The following TMPRSS13 variants were observed in gnomAD, a reference collection of about 807,000 sequenced individuals.
TMPRSS13 encodes transmembrane serine protease 13.
TMPRSS13 carries 50 observed loss-of-function variants against 68.4 expected under a neutral mutation model. The ratio of observed to expected loss-of-function variants is 0.73; its 90% CI spans 0.58 to 0.93. The LOEUF is 0.93. TMPRSS13 is among the 40% of genes least tolerant of loss of function. The pLI is 0.00. For synonymous variants in TMPRSS13, 267 were observed against 285.8 expected, an observed-to-expected ratio of 0.93 and a Z score of 0.66; for missense variants, 615 against 729.2, an observed-to-expected ratio of 0.84 and a Z score of 1.80.
rs2057569949 is a variant in TMPRSS13, at chr11:117,915,605, A to T, written c.557-1091T>A. Among the ~76,000 whole-genome samples the T allele has an allele frequency of 6.6e-6, 1 of 152,124 alleles. No homozygotes were observed. Among genetic ancestry groups the T allele is most frequent in the Non-Finnish European group, 1.5e-5 (1 of 68,006 alleles). The stretch of plus-strand genomic sequence containing the variant: ...GGAGAGGGTACTGGGCCGGGTTGGG[A>T]GTCAGGAGGCCTGGGCTCTAGTCCT... On this transcript the variant is annotated intron_variant, in intron 3 of 12. Coordinates refer to ENST00000524993, the MANE Select transcript of TMPRSS13 (RefSeq NM_001077263.3). The surrounding 1 kb of genome is among the most constrained non-coding windows in gnomAD (Gnocchi z 4.9).
chr11:117,917,815 C>G (rs1486197096), intron 2 of TMPRSS13, among the ~76,000 whole-genome samples: 4 of 152,140 alleles, frequency 2.6e-5, no homozygotes, highest in African/African-American at 9.7e-5. Context: ...TGGGGACAGT[C>G]TGAATTCTGG....
At chr11:117,917,713 A>G (rs1244401502) in intron 2 of TMPRSS13, among the ~76,000 whole-genome samples, 2 of 152,070 alleles carry the variant, frequency 1.3e-5, no homozygotes, top group African/African-American at 4.8e-5. Context: ...CACTTCACCC[A>G]CCCTGGAGAG....
chr11:117,913,470 C>T (rs948048500), intron 5 of TMPRSS13, among the ~76,000 whole-genome samples: 6 of 152,142 alleles, frequency 3.9e-5, no homozygotes, highest in Admixed American at 3.9e-4. Context: ...GTCGTAGGGC[C>T]ACCACCACGA....
chr11:117,918,158 G>A (rs1441104020), intron 2 of TMPRSS13, among the ~76,000 whole-genome samples: 1 of 152,082 alleles, frequency 6.6e-6, no homozygotes. Flanking sequence ...AGACTCCAGG[G>A]TGACAAGCTG....
intron 12 of TMPRSS13, 81 bp downstream of exon 12, chr11:117,903,574 C>T (rs770063105): frequency 8.7e-6 from 14 of 1,604,180 alleles, no homozygotes; most frequent in South Asian, 1.1e-5. Flanking sequence ...CCTCTGCCTA[C>T]AACCTGGGTG....
chr11:117,905,531 G>T, intron 10 of TMPRSS13, 107 bp downstream of exon 10: 1 of 923,020 alleles, frequency 1.1e-6, no homozygotes, highest in Non-Finnish European at 1.6e-6. Context: ...AACGCTCATC[G>T]ACATAGGCCT....
In TMPRSS13 at chr11:117,902,187, T is replaced by C. The variant is rs1288019616; in HGVS notation, c.*52A>G. 4 of 1,611,096 alleles carry C rather than the reference T, an allele frequency of 2.5e-6. No individual in the cohort carries two copies. The highest frequency in any genetic ancestry group is 1.3e-5 in the African/African-American group (1 of 74,870). ...TGATGCCACACATGGCCAGTCACCA[T>C]GGCCAGAGTCTTCACAGCAGCCGGT... On this transcript the variant is annotated 3_prime_UTR_variant, in exon 13 of 13. Transcript: ENST00000524993.
Position 117,918,597 on chromosome 11 carries a change from CGGG to C in TMPRSS13, c.260_262del (p.Ala87_Arg88delinsGly). 6.2e-7 allele frequency: 1 copy of C among 1,610,378 alleles called. No homozygotes were observed. Among genetic ancestry groups the C allele is most frequent in the Non-Finnish European group, 8.5e-7 (1 of 1,178,464 alleles). The stretch of plus-strand genomic sequence containing the variant: ...AAGTGATGCCAGAGCCGGAGATGCC[CGGG>C]CTGGAGATGCCTGGGCTGGAGATGC... On this transcript the variant is annotated inframe_deletion, in exon 2 of 13. Transcript: ENST00000524993.
chr11:117,924,489 T>C (rs1046416448), intron 1 of TMPRSS13, among the ~76,000 whole-genome samples: 1 of 152,052 alleles, frequency 6.6e-6, no homozygotes, highest in Non-Finnish European at 1.5e-5. Context: ...GGGCAGACCA[T>C]GGGCCAACAA....
intron 6 of TMPRSS13, 64 bp from the exon 7 acceptor site, chr11:117,910,814 C>T: frequency 2.7e-6 from 4 of 1,454,892 alleles, no homozygotes; most frequent in Non-Finnish European, 3.8e-6. Context: ...GGAAGCCTTC[C>T]TGATTGACTC....
At chr11:117,902,966 G>T (rs902706055) in intron 12 of TMPRSS13, 46 of 1,014,768 alleles carry the variant, frequency 4.5e-5, no homozygotes, top group Non-Finnish European at 4.7e-5. Context: ...CACACTGAAG[G>T]GTCTGTGGTT....
chr11:117,921,273 A>C (rs945336851), intron 1 of TMPRSS13, among the ~76,000 whole-genome samples: 7 of 152,058 alleles, frequency 4.6e-5, no homozygotes, highest in African/African-American at 1.7e-4. Context: ...TCGTATGTGC[A>C]GTTTTGCACC....
Position 117,900,682 on chromosome 11 carries a change from C to G in TMPRSS13, c.*1557G>C, listed in dbSNP as rs568060. The stretch of plus-strand genomic sequence containing the variant: ...TTTTATTGCTGAAGACCATCGCTGG[C>G]GGCTGCTGCAGACAGGAATGTGGCC... On this transcript the variant is annotated 3_prime_UTR_variant, in exon 13 of 13. Coordinates refer to ENST00000524993, the MANE Select transcript of TMPRSS13 (RefSeq NM_001077263.3). 0.99 allele frequency: 151,372 copies of G among 152,372 alleles called. 75,196 individuals carry two copies. Among genetic ancestry groups the G allele is most frequent in the Middle Eastern group, 1 (296 of 296 alleles). 9.4% of individuals were successfully genotyped at this position (152,372 alleles called of 1,614,324 possible).
At chr11:117,908,034 A>C (rs903780744) in intron 9 of TMPRSS13, 1 of 999,292 alleles carries the variant, frequency 1.0e-6, no homozygotes, top group Non-Finnish European at 1.2e-6. Context: ...AGTTGTTTGA[A>C]TGTGTACTCA....
At chr11:117,911,694 C>A in intron 6 of TMPRSS13, 74 bp downstream of exon 6, 2 of 1,243,376 alleles carry the variant, frequency 1.6e-6, no homozygotes, top group Non-Finnish European at 2.3e-6. Context: ...GAAGGGGGCT[C>A]CCTGACTCAA....
Position 117,918,515 on chromosome 11 carries a change from G to A in TMPRSS13, c.345C>T (p.Ser115=). ...SSARSASVTT[S]PTRVYLVRAT... ...CTCTAACAAGGTACACTCTGGTTGGGGAGGTTGTCACCGAGGCTGACCTGG... is the reference window on the plus strand; with the variant it reads ...CTCTAACAAGGTACACTCTGGTTGGAGAGGTTGTCACCGAGGCTGACCTGG... Residue 115 remains serine (S), a synonymous_variant, in exon 2 of 13, where the codon TCC becomes TCT. Transcript: ENST00000524993. 1 of 1,614,206 alleles carries A rather than the reference G, an allele frequency of 6.2e-7. No homozygotes were observed. The highest frequency in any genetic ancestry group is 1.1e-5 in the South Asian group (1 of 91,084).
In TMPRSS13 at chr11:117,918,728, T is replaced by TGCCTGGGCTGGAGAG. The variant is rs2057609809; in HGVS notation, c.131_132insCTCTCCAGCCCAGGC (p.Gln43_Ala47dup). 6.2e-7 allele frequency: 1 copy of TGCCTGGGCTGGAGAG among 1,607,242 alleles called. No individual in the cohort carries two copies. The highest frequency in any genetic ancestry group is 1.4e-5 in the African/African-American group (1 of 70,918). Reference sequence around the variant, plus strand: ...GGCCCGGAGGTGTCCCAGCTGGAGATGCCTGGGCTGGAGATGCCTGGGCTG... The same window carrying TGCCTGGGCTGGAGAG: ...GGCCCGGAGGTGTCCCAGCTGGAGATGCCTGGGCTGGAGAGGCCTGGGCTGGAGATGCCTGGGCTG... On this transcript the variant is annotated inframe_insertion, in exon 2 of 13. Transcript: ENST00000524993.
At position 117,914,887 on chromosome 11, in the gene TMPRSS13, C is replaced by G. The variant is rs191082821; in HGVS notation, c.557-373G>C. Among the ~76,000 whole-genome samples, 34 of 152,300 alleles carry G rather than the reference C, an allele frequency of 2.2e-4. No individual in the cohort carries two copies. The highest frequency in any genetic ancestry group is 8.2e-4 in the African/African-American group (34 of 41,560). On this transcript the variant is annotated intron_variant, in intron 3 of 12. Coordinates refer to ENST00000524993, the MANE Select transcript of TMPRSS13 (RefSeq NM_001077263.3). This position sits in a 1 kb window ranked among gnomAD's most constrained non-coding sequence, Gnocchi z 4.2. ...GTATCCCAGAGCTTCCCTCTCAGAACCCCTCTGCCATCCCATCTTCTCTGT... is the reference window on the plus strand; with the variant it reads ...GTATCCCAGAGCTTCCCTCTCAGAAGCCCTCTGCCATCCCATCTTCTCTGT...
chr11:117,922,947 G>A lies in TMPRSS13; in HGVS notation c.22-4109C>T, dbSNP rs924847535. Among the ~76,000 whole-genome samples the A allele has an allele frequency of 6.6e-6, 1 of 152,196 alleles. No homozygotes were observed. Among genetic ancestry groups the A allele is most frequent in the Non-Finnish European group, 1.5e-5 (1 of 68,038 alleles). Reference sequence around the variant, plus strand: ...TGGCTATGCCTCTGCAGCTCCCAAGGGTCCTCACCCAAGGCTTGTTCAGGG... The same window carrying A: ...TGGCTATGCCTCTGCAGCTCCCAAGAGTCCTCACCCAAGGCTTGTTCAGGG... On this transcript the variant is annotated intron_variant, in intron 1 of 12. Coordinates refer to ENST00000524993, the MANE Select transcript of TMPRSS13 (RefSeq NM_001077263.3). The surrounding 1 kb of genome is among the most constrained non-coding windows in gnomAD (Gnocchi z 4.2).
Sources: allele counts gnomAD v4.1 joint callset (sites outside exome capture counted in the v4.1 genomes callset), GRCh38; gene constraint gnomAD v4.1.1; non-coding constraint Gnocchi (gnomAD v3.1); transcripts MANE v1.5; gene names NCBI Gene and HGNC (gene_info 2026-07-23, HGNC 2026-07-21).